The following XKR6 variants were observed in gnomAD, a reference collection of about 807,000 sequenced individuals.
The protein encoded by XKR6 is XK-related protein 6.
Under a neutral mutation model 56.7 loss-of-function variants are expected in XKR6, and 22 were observed. The ratio of observed to expected loss-of-function variants is 0.39; its 90% confidence interval spans 0.28 to 0.55. The LOEUF (loss-of-function observed/expected upper bound fraction) is 0.55, where lower values mean the gene tolerates loss of function less well. XKR6 is among the 20% of genes least tolerant of loss of function. The pLI is 0.66. For missense variants in XKR6, 852 were observed against 889.0 expected, an observed-to-expected ratio of 0.96 and a Z score of 0.53; for synonymous variants, 524 against 387.8, an observed-to-expected ratio of 1.35 and a Z score of -4.13.
At chr8:11,015,957 C>A (rs1013528473) in intron 1 of XKR6, among the ~76,000 whole-genome samples, 3 of 152,138 alleles carry the variant, frequency 2.0e-5, no homozygotes, top group African/African-American at 7.2e-5. Context: ...CGGCTGCAGG[C>A]GGGCTCCATG....
chr8:11,156,583 A>AC (rs1801530439), intron 1 of XKR6, among the ~76,000 whole-genome samples: 1 of 152,192 alleles, frequency 6.6e-6, no homozygotes, highest in Non-Finnish European at 1.5e-5. Context: ...GAGGCATGTG[A>AC]CCCCAAAGAA....
chr8:11,162,485 C>T (rs1236122574), intron 1 of XKR6, among the ~76,000 whole-genome samples: 1 of 152,136 alleles, frequency 6.6e-6, no homozygotes, highest in Non-Finnish European at 1.5e-5. Context: ...AAACAAAAAA[C>T]TCTCTTTTTT....
chr8:11,099,895 G>C (rs1798403174), intron 1 of XKR6, among the ~76,000 whole-genome samples: 2 of 152,208 alleles, frequency 1.3e-5, no homozygotes, highest in Admixed American at 1.3e-4. Context: ...CAATTTAGCA[G>C]AGATGGAGCC....
chr8:11,003,026 A>G (rs943940701), intron 1 of XKR6, among the ~76,000 whole-genome samples: 12 of 152,150 alleles, frequency 7.9e-5, no homozygotes, highest in African/African-American at 2.9e-4. Context: ...CAATCTAACA[A>G]TTCCAAGTCA....
At chr8:10,965,977 T>G (rs1019352499) in intron 1 of XKR6, among the ~76,000 whole-genome samples, 2 of 152,176 alleles carry the variant, frequency 1.3e-5, no homozygotes, top group Non-Finnish European at 2.9e-5. Context: ...CCTTCCAGCC[T>G]GGGCTGAGAA....
intron 1 of XKR6, among the ~76,000 whole-genome samples, chr8:11,100,793 G>C (rs1798442944): frequency 6.6e-6 from 1 of 152,232 alleles, no homozygotes; most frequent in South Asian, 2.1e-4. Flanking sequence ...TCTGTTTTTA[G>C]TTTGGCTATG....
intron 1 of XKR6, among the ~76,000 whole-genome samples, chr8:11,094,254 T>G (rs909096605): frequency 6.6e-6 from 1 of 152,174 alleles, no homozygotes; most frequent in African/African-American, 2.4e-5. Flanking sequence ...TATGTATGTA[T>G]CTCGGCTCAC....
chr8:10,930,478 C>T (rs1156447657), intron 1 of XKR6, among the ~76,000 whole-genome samples: 4 of 152,194 alleles, frequency 2.6e-5, no homozygotes, highest in African/African-American at 7.2e-5. Flanking sequence ...ATACAAAAGC[C>T]AGTCAAACAC....
chr8:10,959,539 C>T (rs572276241), intron 1 of XKR6, among the ~76,000 whole-genome samples: 2 of 152,258 alleles, frequency 1.3e-5, no homozygotes, highest in East Asian at 3.9e-4. Flanking sequence ...TTGCAGACAG[C>T]CACCTTCTTG....
intron 1 of XKR6, among the ~76,000 whole-genome samples, chr8:10,929,041 C>G (rs1800983285): frequency 6.6e-6 from 1 of 152,192 alleles, no homozygotes; most frequent in Non-Finnish European, 1.5e-5. Context: ...CAGTCTTGAG[C>G]AAGTCACCTC....
chr8:10,905,669 C>A (rs958056817), intron 2 of XKR6, among the ~76,000 whole-genome samples: 3 of 152,180 alleles, frequency 2.0e-5, no homozygotes, highest in Non-Finnish European at 4.4e-5. Flanking sequence ...CCCCTCCCTG[C>A]CTCCCTCCCT....
rs144017428 is a variant in XKR6, at chr8:11,099,378, T to C, written c.764+101198A>G. Among the ~76,000 whole-genome samples, 44 of 152,346 alleles carry C rather than the reference T, an allele frequency of 2.9e-4. No individual in the cohort carries two copies. In the East Asian group the frequency reaches 6.2e-3, roughly 21 times the overall value. ...CTAAAACATTTTTAAAAGATGATGC[T>C]TATCATTAGCACAAGTCAACCTCCA... On this transcript the variant is annotated intron_variant, in intron 1 of 2. Transcript: ENST00000416569.
chr8:11,109,537 G>A (rs536191102), intron 1 of XKR6: 1 of 152,186 alleles, frequency 6.6e-6, no homozygotes, highest in Non-Finnish European at 1.5e-5. Context: ...CACAGCTCCA[G>A]ACCCGGCATG....
At position 11,124,168 on chromosome 8, in the gene XKR6, C is replaced by A. The variant is rs542705169; in HGVS notation, c.764+76408G>T. 9.4e-5 allele frequency: 34 copies of A among 363,348 alleles called. 1 individual carries two copies. The highest frequency in any genetic ancestry group is 6.7e-4 in the South Asian group (32 of 48,048). The allele number at this position is 363,348 out of a possible 1,614,324, so 22.5% of individuals were successfully genotyped here. On this transcript the variant is annotated intron_variant, in intron 1 of 2. Transcript: ENST00000416569. ...TTACTGGCATTTACATATGAAACTACAGTTTAATCATTTGAGGGAGAAAAA... is the reference window on the plus strand; with the variant it reads ...TTACTGGCATTTACATATGAAACTAAAGTTTAATCATTTGAGGGAGAAAAA...
chr8:11,057,378 A>T (rs1427381224), intron 1 of XKR6, among the ~76,000 whole-genome samples: 1 of 152,212 alleles, frequency 6.6e-6, no homozygotes, highest in Non-Finnish European at 1.5e-5. Context: ...GCTTTGAAAC[A>T]AACAGGGCCT....
chr8:10,911,571 TATAG>T (rs1249981738), intron 2 of XKR6, among the ~76,000 whole-genome samples: 13 of 146,192 alleles, frequency 8.9e-5, no homozygotes, highest in Non-Finnish European at 1.9e-4. Flanking sequence ...TCTATATATA[TATAG>T]AGAGAGAGAG....
chr8:11,167,331 C>T, intron 1 of XKR6, among the ~76,000 whole-genome samples: 1 of 152,178 alleles, frequency 6.6e-6, no homozygotes, highest in East Asian at 1.9e-4. Flanking sequence ...AGCCCATATT[C>T]CAAGAATGGG....
At chr8:11,129,318 A>G (rs1438943351) in intron 1 of XKR6, among the ~76,000 whole-genome samples, 1 of 152,252 alleles carries the variant, frequency 6.6e-6, no homozygotes, top group African/African-American at 2.4e-5. Context: ...TGATGTAAAA[A>G]GCTAAAAGTT....
intron 1 of XKR6, chr8:11,105,297 G>C (rs1046378441): frequency 1.3e-5 from 2 of 152,142 alleles, no homozygotes; most frequent in African/African-American, 2.4e-5. Context: ...ACATACATTA[G>C]AGAAAAGGAC....
Sources: gnomAD v4.1 joint callset for allele counts (sites outside exome capture counted in the v4.1 genomes callset) on GRCh38, gnomAD v4.1.1 for gene constraint, MANE v1.5 for transcripts, NCBI Gene and HGNC (gene_info 2026-07-23, HGNC 2026-07-21) for gene names.